PDE8A: variants seen among roughly 807,000 people sequenced by gnomAD.
PDE8A encodes phosphodiesterase 8A, also known as high affinity cAMP-specific and IBMX-insensitive 3',5'-cyclic phosphodiesterase 8A.
A neutral mutation model predicts 105.0 loss-of-function variants in PDE8A; 59 were observed. The observed-to-expected ratio is 0.56, with a 90% CI of 0.46 to 0.70. The LOEUF (loss-of-function observed/expected upper bound fraction) is 0.70, where lower values mean the gene tolerates loss of function less well. PDE8A is among the 30% of genes least tolerant of loss of function. The pLI is 0.00. For missense variants in PDE8A, 1,014 were observed against 1,045.9 expected (o/e 0.97, Z 0.42); for synonymous variants, 355 against 371.9 (o/e 0.95, Z 0.52).
intron 19 of PDE8A, among the ~76,000 whole-genome samples, 153 bp downstream of exon 19, chr15:85,123,346 ACACACACACACACACAC>A (rs2082211869): frequency 3.4e-5 from 2 of 59,694 alleles, no homozygotes; most frequent in Admixed American, 1.6e-4. Flanking sequence ...ATACACACAC[ACACACACACACACACAC>A]ACACACACAC....
chr15:85,125,683 C>T (rs1338831649), intron 19 of PDE8A, among the ~76,000 whole-genome samples: 3 of 152,120 alleles, frequency 2.0e-5, no homozygotes, highest in Non-Finnish European at 4.4e-5. Context: ...GTCCTTTATC[C>T]ATCAAATATG....
At chr15:85,131,763 AT>A (rs942284345) in intron 20 of PDE8A, among the ~76,000 whole-genome samples, 1 of 151,988 alleles carries the variant, frequency 6.6e-6, no homozygotes, top group Non-Finnish European at 1.5e-5. Flanking sequence ...TTCCTTTAGC[AT>A]TTTTTGTAGG....
At chr15:85,033,455 C>T (rs1313644916) in intron 1 of PDE8A, among the ~76,000 whole-genome samples, 1 of 152,052 alleles carries the variant, frequency 6.6e-6, no homozygotes, top group African/African-American at 2.4e-5. Context: ...GAGAGAGGCT[C>T]AAGAATACCT....
chr15:84,997,149 GTA>G (rs907579417), intron 1 of PDE8A, among the ~76,000 whole-genome samples: 2 of 151,932 alleles, frequency 1.3e-5, no homozygotes, highest in Non-Finnish European at 2.9e-5. Context: ...CTGTAGCTAA[GTA>G]TTTTTTTTCT....
At chr15:85,067,341 C>T in intron 3 of PDE8A, 137 bp downstream of exon 3, 1 of 576,636 alleles carries the variant, frequency 1.7e-6, no homozygotes, top group South Asian at 2.8e-5. Context: ...ATTAGAACCT[C>T]ACTATTTATA....
chr15:85,088,240 G>A (rs908589590), intron 6 of PDE8A, among the ~76,000 whole-genome samples: 8 of 152,180 alleles, frequency 5.3e-5, no homozygotes, highest in African/African-American at 7.2e-5. Flanking sequence ...GGCCAGGCTG[G>A]TCTTGAACTG....
At chr15:85,036,919 C>A (rs1036412310) in intron 1 of PDE8A, among the ~76,000 whole-genome samples, 2 of 152,136 alleles carry the variant, frequency 1.3e-5, no homozygotes, top group African/African-American at 4.8e-5. Flanking sequence ...CAGCAGCTAG[C>A]AGATTGGGGA....
chr15:85,119,298 A>G (rs1222722499), intron 17 of PDE8A, among the ~76,000 whole-genome samples: 3 of 151,880 alleles, frequency 2.0e-5, no homozygotes, highest in Non-Finnish European at 4.4e-5. Flanking sequence ...GTGAAACACC[A>G]TCTCTACTAA....
chr15:85,134,425 T>G (rs550895122), intron 20 of PDE8A, among the ~76,000 whole-genome samples: 45 of 152,272 alleles, frequency 3.0e-4, no homozygotes, highest in Admixed American at 1.2e-3. Flanking sequence ...CCCCCACCCC[T>G]TCCTCTCTAT....
intron 5 of PDE8A, among the ~76,000 whole-genome samples, chr15:85,079,894 T>C (rs1027730247): frequency 2.0e-5 from 3 of 151,482 alleles, no homozygotes; most frequent in African/African-American, 7.3e-5. Flanking sequence ...GCCTGCACAG[T>C]GGGAGCAAGA....
At chr15:85,023,961 G>C (rs578096476) in intron 1 of PDE8A, among the ~76,000 whole-genome samples, 67 of 152,194 alleles carry the variant, frequency 4.4e-4, no homozygotes, top group African/African-American at 1.6e-3. Context: ...GGAACTGGCT[G>C]TCCACAGCCT....
intron 11 of PDE8A, among the ~76,000 whole-genome samples, chr15:85,106,705 G>A (rs181153871): frequency 3.2e-4 from 49 of 152,286 alleles, no homozygotes; most frequent in Admixed American, 5.9e-4. Context: ...GATGGAAGGC[G>A]GAGCAGTTGT....
At chr15:85,057,115 G>A (rs545386963) in intron 1 of PDE8A, among the ~76,000 whole-genome samples, 5 of 152,090 alleles carry the variant, frequency 3.3e-5, no homozygotes, top group African/African-American at 1.2e-4. Flanking sequence ...TATCACCAGC[G>A]GAGAACCACA....
At chr15:85,000,229 A>G (rs889401657) in intron 1 of PDE8A, among the ~76,000 whole-genome samples, 1 of 152,216 alleles carries the variant, frequency 6.6e-6, no homozygotes, top group Non-Finnish European at 1.5e-5. Flanking sequence ...TTCTTTGCCT[A>G]TTAACCAGAA....
At chr15:84,986,222 A>G (rs1038007869) in intron 1 of PDE8A, among the ~76,000 whole-genome samples, 2 of 152,132 alleles carry the variant, frequency 1.3e-5, no homozygotes, top group Non-Finnish European at 2.9e-5. Context: ...CAGAAACCCT[A>G]TCTCAAAAAT....
chr15:85,012,748 A>G (rs956794592), intron 1 of PDE8A, among the ~76,000 whole-genome samples: 2 of 152,144 alleles, frequency 1.3e-5, no homozygotes, highest in Non-Finnish European at 2.9e-5. Flanking sequence ...AACATACAGT[A>G]TTGTTAGACT....
intron 9 of PDE8A, among the ~76,000 whole-genome samples, chr15:85,099,086 A>G (rs187818988): frequency 1.3e-5 from 2 of 152,346 alleles, no homozygotes; most frequent in Non-Finnish European, 2.9e-5. Flanking sequence ...AGAACAGGAG[A>G]AAGTATGGCA....
intron 1 of PDE8A, among the ~76,000 whole-genome samples, chr15:85,054,878 C>G (rs1170369500): frequency 6.6e-6 from 1 of 152,126 alleles, no homozygotes; most frequent in Non-Finnish European, 1.5e-5. Context: ...GCTCTTGCTT[C>G]TCTAATTCTT....
In PDE8A at chr15:85,043,478, A is replaced by C. The variant is rs768790345; in HGVS notation, c.187-20892A>C. The stretch of plus-strand genomic sequence containing the variant: ...CAGATCTCAGTGACATGTTTGAAGA[A>C]GATCTCGGATTGGGTTATCTCTCCT... On this transcript the variant is annotated intron_variant, in intron 1 of 21. Coordinates refer to ENST00000394553, the MANE Select transcript of PDE8A (RefSeq NM_002605.3). 1.7e-4 allele frequency among the ~76,000 whole-genome samples: 26 copies of C among 152,156 alleles called. 1 individual carries two copies. Among genetic ancestry groups the C allele is most frequent in the Non-Finnish European group, 3.5e-4 (24 of 68,026 alleles).
Sources: gnomAD v4.1 joint callset for allele counts (sites outside exome capture counted in the v4.1 genomes callset) on GRCh38, gnomAD v4.1.1 for gene constraint, MANE v1.5 for transcripts, NCBI Gene and HGNC (gene_info 2026-07-23, HGNC 2026-07-21) for gene names.